The following CFAP299 variants were observed in gnomAD, a reference collection of about 807,000 sequenced individuals.
CFAP299 encodes the protein cilia- and flagella-associated protein 299.
Under a neutral mutation model 27.0 loss-of-function variants are expected in CFAP299, and 21 were observed. The observed-to-expected ratio is 0.78, with a 90% CI of 0.55 to 1.12. CFAP299 has a LOEUF of 1.12. CFAP299 is among the 50% of genes most tolerant of loss of function. The pLI, the probability that CFAP299 is intolerant of heterozygous loss-of-function variation, is 0.00. For synonymous variants in CFAP299, 104 were observed against 98.1 expected, an observed-to-expected ratio of 1.06 and a Z score of -0.36; for missense variants, 310 against 276.6, an observed-to-expected ratio of 1.12 and a Z score of -0.86.
intron 4 of CFAP299, among the ~76,000 whole-genome samples, chr4:80,899,687 C>T (rs1185669920): frequency 1.3e-5 from 2 of 152,138 alleles, no homozygotes; most frequent in Non-Finnish European, 2.9e-5. Flanking sequence ...AGAGCAGCCA[C>T]AGATTGTACA....
intron 2 of CFAP299, among the ~76,000 whole-genome samples, chr4:80,498,942 C>A (rs1163752782): frequency 6.6e-6 from 1 of 152,104 alleles, no homozygotes; most frequent in African/African-American, 2.4e-5. Context: ...ATGTTCTTTG[C>A]AGCAACATGT....
At position 80,799,641 on chromosome 4, in the gene CFAP299, A is replaced by T. The variant is rs1457641376; in HGVS notation, c.334-70352A>T. The stretch of plus-strand genomic sequence containing the variant: ...ATATTTATAAATATATAATATATAA[A>T]ATATATATTTTATATATTATATTTT... On this transcript the variant is annotated intron_variant, in intron 3 of 5. Coordinates refer to ENST00000358105, the MANE Select transcript of CFAP299 (RefSeq NM_152770.3). 3.6e-3 allele frequency among the ~76,000 whole-genome samples: 130 copies of T among 36,290 alleles called. 5 individuals are homozygous for T. The highest frequency in any genetic ancestry group is 0.027 in the South Asian group (18 of 660). 23.8% of individuals were successfully genotyped at this position (36,290 alleles called of 152,430 possible).
chr4:80,816,134 GA>G (rs1729409239), intron 3 of CFAP299, among the ~76,000 whole-genome samples: 1 of 151,732 alleles, frequency 6.6e-6, no homozygotes, highest in Non-Finnish European at 1.5e-5. Context: ...CAAAATATGA[GA>G]ATAAGATTTA....
intron 3 of CFAP299, among the ~76,000 whole-genome samples, chr4:80,687,091 A>T (rs2110011142): frequency 6.6e-6 from 1 of 152,300 alleles, no homozygotes; most frequent in East Asian, 1.9e-4. Flanking sequence ...CATCTGGCCC[A>T]ACTTACCAGC....
intron 3 of CFAP299, among the ~76,000 whole-genome samples, chr4:80,858,884 C>T (rs1732114649): frequency 6.6e-6 from 1 of 152,108 alleles, no homozygotes; most frequent in South Asian, 2.1e-4. Flanking sequence ...AATGTATATT[C>T]TGTTGATTTG....
chr4:80,801,541 C>T (rs114157664), intron 3 of CFAP299, among the ~76,000 whole-genome samples: 1,955 of 152,028 alleles, frequency 0.013, 17 homozygotes, highest in African/African-American at 0.033. Flanking sequence ...AGAATAAAGG[C>T]TGTATCTTAA....
intron 1 of CFAP299, among the ~76,000 whole-genome samples, chr4:80,345,736 T>C (rs1477843925): frequency 6.6e-6 from 1 of 152,182 alleles, no homozygotes; most frequent in Non-Finnish European, 1.5e-5. Context: ...AATAAACATA[T>C]GTGTGCATGT....
chr4:80,727,279 A>G (rs1490849329), intron 3 of CFAP299, among the ~76,000 whole-genome samples: 1 of 151,958 alleles, frequency 6.6e-6, no homozygotes, highest in Non-Finnish European at 1.5e-5. Context: ...TTACTACTTT[A>G]CTTTACTATT....
intron 3 of CFAP299, among the ~76,000 whole-genome samples, chr4:80,674,988 A>C (rs1048506103): frequency 6.6e-6 from 1 of 152,124 alleles, no homozygotes; most frequent in Non-Finnish European, 1.5e-5. Context: ...AGCTTGGAGA[A>C]GTTTGTTATT....
intron 1 of CFAP299, among the ~76,000 whole-genome samples, chr4:80,337,843 G>A (rs1278070022): frequency 6.6e-6 from 1 of 152,078 alleles, no homozygotes; most frequent in East Asian, 1.9e-4. Flanking sequence ...AGATTTAGTT[G>A]AATAATGATA....
chr4:80,809,399 G>T (rs941398009), intron 3 of CFAP299, among the ~76,000 whole-genome samples: 32 of 152,254 alleles, frequency 2.1e-4, no homozygotes, highest in African/African-American at 7.7e-4. Context: ...AATAAACCAT[G>T]CAAGTGTTTG....
intron 4 of CFAP299, among the ~76,000 whole-genome samples, chr4:80,892,790 C>T (rs991954999): frequency 6.6e-6 from 1 of 151,794 alleles, no homozygotes; most frequent in African/African-American, 2.4e-5. Context: ...GGCGAAAAAC[C>T]GAAAGCTTTT....
chr4:80,754,380 G>A (rs1305280939), intron 3 of CFAP299, among the ~76,000 whole-genome samples: 2 of 152,024 alleles, frequency 1.3e-5, no homozygotes, highest in African/African-American at 2.4e-5. Flanking sequence ...GTTCCTTAAT[G>A]CTTGCTATCT....
At chr4:80,483,867 C>G (rs375156386) in intron 2 of CFAP299, among the ~76,000 whole-genome samples, 1 of 152,068 alleles carries the variant, frequency 6.6e-6, no homozygotes, top group African/African-American at 2.4e-5. Flanking sequence ...CTTAAACTTT[C>G]GAATTGCTAT....
At chr4:80,869,880 C>A in intron 3 of CFAP299, 113 bp from the exon 4 acceptor site, 2 of 988,208 alleles carry the variant, frequency 2.0e-6, no homozygotes, top group Non-Finnish European at 2.9e-6. Context: ...CTTTCAGAAG[C>A]CCTGCTTCCT....
chr4:80,568,533 G>A (rs2110231271), intron 2 of CFAP299, among the ~76,000 whole-genome samples: 1 of 152,168 alleles, frequency 6.6e-6, no homozygotes, highest in South Asian at 2.1e-4. Context: ...CCTTTTCCAA[G>A]CCTATGTTGT....
intron 2 of CFAP299, among the ~76,000 whole-genome samples, chr4:80,567,025 A>C (rs553712084): frequency 6.6e-6 from 1 of 152,036 alleles, no homozygotes. Context: ...TAAAAAAAAA[A>C]CAAAAAGAAA....
chr4:80,950,700 T>C (rs1014264282), intron 5 of CFAP299, among the ~76,000 whole-genome samples: 15 of 152,060 alleles, frequency 9.9e-5, no homozygotes, highest in Non-Finnish European at 1.5e-5. Flanking sequence ...AGATCAGATA[T>C]CAGAATCACC....
In CFAP299 at chr4:80,386,484, G is replaced by A. The variant is rs1725003031; in HGVS notation, c.242+23600G>A. 8.4e-6 allele frequency: 13 copies of A among 1,546,836 alleles called. No individual in the cohort carries two copies. In the South Asian group the frequency reaches 1.3e-4, roughly 16 times the overall value. On this transcript the variant is annotated intron_variant, in intron 2 of 5. Transcript: ENST00000358105. ...GCGCCCACCACTGCCGCCACGGCGCGGGGCTGCCCTCTTCTCGCGGGCGGT... is the reference window on the plus strand; with the variant it reads ...GCGCCCACCACTGCCGCCACGGCGCAGGGCTGCCCTCTTCTCGCGGGCGGT...
Sources: gnomAD v4.1 joint callset for allele counts (sites outside exome capture counted in the v4.1 genomes callset) on GRCh38, gnomAD v4.1.1 for gene constraint, MANE v1.5 for transcripts, NCBI Gene and HGNC (gene_info 2026-07-23, HGNC 2026-07-21) for gene names.